Variants in RTKN2 observed in about 807,000 individuals in gnomAD.
RTKN2 encodes the protein rhotekin 2.
In RTKN2, 69 loss-of-function variants were observed where a neutral mutation model predicts 71.5. The ratio of observed to expected loss-of-function variants is 0.96; its 90% CI spans 0.79 to 1.18. The LOEUF (loss-of-function observed/expected upper bound fraction) is 1.18. RTKN2 is among the 50% of genes most tolerant of loss of function. RTKN2 has a pLI of 0.00. For missense variants in RTKN2, 724 were observed against 719.7 expected (o/e 1.01, Z -0.07); for synonymous variants, 236 against 236.5 (o/e 1.00, Z 0.02).
chr10:62,242,263 G>C (rs867223687), intron 3 of RTKN2, among the ~76,000 whole-genome samples: 21 of 151,890 alleles, frequency 1.4e-4, no homozygotes, highest in Middle Eastern at 6.9e-3. Flanking sequence ...ATAAATTTTA[G>C]AACAAATTTT....
intron 6 of RTKN2, among the ~76,000 whole-genome samples, chr10:62,229,667 T>C (rs960880895): frequency 6.6e-6 from 1 of 152,210 alleles, no homozygotes; most frequent in Non-Finnish European, 1.5e-5. Flanking sequence ...AGAAACTATG[T>C]TATTCATTGC....
rs150228801 is a variant in RTKN2 at position 62,186,808 on chromosome 10, C to T, written c.862-2421G>A. Among the ~76,000 whole-genome samples, 62 of 152,276 alleles carry T rather than the reference C, an allele frequency of 4.1e-4. No individual in the cohort carries two copies. The East Asian group carries it at 8.3e-3, about 20-fold the overall frequency. On this transcript the variant is annotated intron_variant, in intron 8 of 8. Coordinates refer to the RTKN2 transcript ENST00000315289. Reference sequence around the variant, plus strand: ...AATAAATCCAACTAATTTCATCCTCCATCCTCAGATGCCCAGGCAACTAGC... The same window carrying T: ...AATAAATCCAACTAATTTCATCCTCTATCCTCAGATGCCCAGGCAACTAGC...
Position 62,193,537 on chromosome 10 carries a change from T to A in RTKN2, c.*4371A>T. 3 of 981,886 alleles carry A rather than the reference T, an allele frequency of 3.1e-6. No individual in the cohort carries two copies. Among genetic ancestry groups the A allele is most frequent in the Non-Finnish European group, 3.6e-6 (3 of 826,662 alleles). 60.8% of individuals were successfully genotyped at this position (981,886 alleles called of 1,614,324 possible). On this transcript the variant is annotated 3_prime_UTR_variant, in exon 12 of 12. Coordinates refer to ENST00000373789, the MANE Select transcript of RTKN2 (RefSeq NM_145307.4). ...CTCTCTCTGTAAAGTATTTTTTTAA[T>A]TTTAAATATTTCTGATCACACTACA...
Position 62,196,823 on chromosome 10 carries a change from T to G in RTKN2, c.*1085A>C. ...GCATTATTATAAAAAATGGATTTTT[T>G]GTTCCTTTAAGGTATTTTTCTGCTA... On this transcript the variant is annotated 3_prime_UTR_variant, in exon 12 of 12. Coordinates refer to ENST00000373789, the MANE Select transcript of RTKN2 (RefSeq NM_145307.4). 1.0e-6 allele frequency: 1 copy of G among 977,984 alleles called. No individual in the cohort carries two copies. Among genetic ancestry groups the G allele is most frequent in the Non-Finnish European group, 1.2e-6 (1 of 823,202 alleles). 60.6% of individuals were successfully genotyped at this position (977,984 alleles called of 1,614,324 possible).
downstream of RTKN2, among the ~76,000 whole-genome samples, chr10:62,188,476 T>C (rs560907907): frequency 1.8e-4 from 28 of 152,262 alleles, 1 homozygote; most frequent in African/African-American, 6.5e-4. Context: ...CCACAATCAA[T>C]AGGAGGAGAA....
intron 9 of RTKN2, among the ~76,000 whole-genome samples, chr10:62,207,103 T>G (rs1320456580): frequency 6.6e-6 from 1 of 152,062 alleles, no homozygotes; most frequent in African/African-American, 2.4e-5. Context: ...TTCTGACTAC[T>G]TTTTGTATAA....
Position 62,215,160 on chromosome 10 carries a change from A to G in RTKN2, c.1020+1958T>C, listed in dbSNP as rs116532045. On this transcript the variant is annotated intron_variant, in intron 9 of 11. Transcript: ENST00000373789. ...TGAATATTCTATGGTATAAAATATAAGAAAAAAATTAGTAGGATTTCATTT... is the reference window on the plus strand; with the variant it reads ...TGAATATTCTATGGTATAAAATATAGGAAAAAAATTAGTAGGATTTCATTT... The G allele has an allele frequency of 1.5e-3, 1,479 of 966,044 alleles. 14 individuals carry two copies. In the African/African-American group the frequency reaches 0.022, roughly 14 times the overall value. The allele number at this position is 966,044 out of a possible 1,614,324, so 59.8% of individuals were successfully genotyped here.
At chr10:62,192,721 T>C (rs1360768895), downstream of RTKN2, among the ~76,000 whole-genome samples, 1 of 152,164 alleles carries the variant, frequency 6.6e-6, no homozygotes, top group Non-Finnish European at 1.5e-5. Context: ...GCACAGTTTC[T>C]AGGAGCTAAG....
chr10:62,187,275 C>T (rs12769071), intron 8 of RTKN2, among the ~76,000 whole-genome samples: 48,426 of 144,626 alleles, frequency 0.33, 8,765 homozygotes, highest in African/African-American at 0.52. Context: ...CATCACAAAT[C>T]ACAAAAAAAA....
Position 62,196,856 on chromosome 10 carries a change from CTCACTTGACTTTATAATCCTGTTTGGG to C in RTKN2, c.*1025_*1051del. On this transcript the variant is annotated 3_prime_UTR_variant, in exon 12 of 12. Transcript: ENST00000373789. ...TAAGGTATTTTTCTGCTATTTATTC[CTCACTTGACTTTATAATCCTGTTTGGG>C]TCACTATGATTAGTTGCTATGGAAA... 1.0e-6 allele frequency: 1 copy of C among 981,008 alleles called. No homozygotes were observed. 60.8% of individuals were successfully genotyped at this position (981,008 alleles called of 1,614,324 possible).
intron 1 of RTKN2, 22 bp from the exon 2 acceptor site, chr10:62,262,843 A>G: frequency 3.2e-6 from 5 of 1,542,476 alleles, no homozygotes; most frequent in African/African-American, 2.7e-5. Context: ...ATGCATCTTG[A>G]AAATATAGCA....
intron 5 of RTKN2, 55 bp from the exon 6 acceptor site, chr10:62,236,318 T>C: frequency 8.9e-7 from 1 of 1,124,354 alleles, no homozygotes; most frequent in Non-Finnish European, 1.3e-6. Context: ...AAAATAAAAT[T>C]ATACCATTCT....
At position 62,198,266 on chromosome 10, in the gene RTKN2, C is replaced by T; in HGVS notation, c.1472G>A (p.Ser491Asn). Residue 491 changes from serine (S) to asparagine (N), a missense_variant, in exon 12 of 12, where the codon AGT (serine) becomes AAT (asparagine). By Grantham distance (46) the Ser-to-Asn change is conservative (BLOSUM62 1). Coordinates refer to ENST00000373789, the MANE Select transcript of RTKN2 (RefSeq NM_145307.4). The stretch of plus-strand genomic sequence containing the variant: ...CCCTTTTTCATCATGTAATGGCTCA[C>T]TTGCAGGATACAGTACCTTTTTCTG... ...VIQKKVLYPASEPLHDEKGKK... is the reference protein window; with the variant it reads ...VIQKKVLYPANEPLHDEKGKK... 6.2e-7 allele frequency: 1 copy of T among 1,613,932 alleles called. No homozygotes were observed. Among genetic ancestry groups the T allele is most frequent in the Non-Finnish European group, 8.5e-7 (1 of 1,179,906 alleles).
chr10:62,229,265 T>A (rs1467875460), intron 6 of RTKN2, among the ~76,000 whole-genome samples: 1 of 152,126 alleles, frequency 6.6e-6, no homozygotes, highest in Non-Finnish European at 1.5e-5. Context: ...AAATGTGGGA[T>A]ATGGTGGAGA....
In RTKN2 at chr10:62,250,361, C is replaced by T. The variant is rs527531553; in HGVS notation, c.258-4304G>A. Among the ~76,000 whole-genome samples the T allele has an allele frequency of 2.6e-5, 4 of 152,236 alleles. No individual in the cohort carries two copies. In the South Asian group the frequency reaches 6.2e-4, roughly 24 times the overall value. On this transcript the variant is annotated intron_variant, in intron 2 of 11. Coordinates refer to ENST00000373789, the MANE Select transcript of RTKN2 (RefSeq NM_145307.4). ...GAAGAAAAAGAAGGAAGAAAGTAGA[C>T]GAAGTTTAATATTCCAAGAAACACT...
At chr10:62,220,873 G>A (rs1282444527) in intron 7 of RTKN2, among the ~76,000 whole-genome samples, 1 of 152,004 alleles carries the variant, frequency 6.6e-6, no homozygotes, top group Non-Finnish European at 1.5e-5. Flanking sequence ...AGCCAAAAAT[G>A]TTGGAATTAT....
chr10:62,215,119 CATTTT>C (rs1414354868), intron 9 of RTKN2: 9 of 1,333,798 alleles, frequency 6.7e-6, no homozygotes, highest in African/African-American at 5.9e-5. Flanking sequence ...GTTTAGATTA[CATTTT>C]ATTTTATGAC....
At chr10:62,225,854 T>C (rs1010067385) in intron 6 of RTKN2, among the ~76,000 whole-genome samples, 11 of 151,420 alleles carry the variant, frequency 7.3e-5, no homozygotes, top group African/African-American at 2.4e-4. Context: ...CAATCTCGAC[T>C]CACTGCAAGC....
chr10:62,243,051 T>A (rs945306731), intron 3 of RTKN2, among the ~76,000 whole-genome samples: 1 of 151,962 alleles, frequency 6.6e-6, no homozygotes, highest in Non-Finnish European at 1.5e-5. Context: ...GTTACATATG[T>A]ATACATGTGC....
Sources: gnomAD v4.1 joint callset for allele counts (sites outside exome capture counted in the v4.1 genomes callset) on GRCh38, gnomAD v4.1.1 for gene constraint, MANE v1.5 for transcripts, NCBI Gene and HGNC (gene_info 2026-07-23, HGNC 2026-07-21) for gene names.